Variants in AGBL4 observed in about 807,000 individuals in gnomAD.
AGBL4 encodes the protein cytosolic carboxypeptidase 6.
A neutral mutation model predicts 66.4 loss-of-function variants in AGBL4; 58 were observed. That is an observed-to-expected ratio of 0.87 (90% confidence interval 0.71 to 1.09). AGBL4 has a LOEUF of 1.09. AGBL4 is among the 50% of genes least tolerant of loss of function. The pLI is 0.00. For synonymous variants in AGBL4, 234 were observed against 222.9 expected, an observed-to-expected ratio of 1.05 and a Z score of -0.44; for missense variants, 579 against 631.0, an observed-to-expected ratio of 0.92 and a Z score of 0.88.
intron 8 of AGBL4, among the ~76,000 whole-genome samples, chr1:48,639,859 A>G (rs956002767): frequency 6.6e-6 from 1 of 152,210 alleles, no homozygotes; most frequent in African/African-American, 2.4e-5. Flanking sequence ...TCCCTAACTG[A>G]CTATAAGCAC....
intron 3 of AGBL4, among the ~76,000 whole-genome samples, chr1:49,652,974 C>G (rs77888881): frequency 2.6e-5 from 4 of 152,102 alleles, no homozygotes; most frequent in Non-Finnish European, 5.9e-5. Context: ...AGCCAGACCC[C>G]TTATTTAAGT....
At chr1:48,610,617 A>G (rs1645222989) in intron 9 of AGBL4, among the ~76,000 whole-genome samples, 1 of 152,196 alleles carries the variant, frequency 6.6e-6, no homozygotes, top group African/African-American at 2.4e-5. Context: ...CAGAATTGCT[A>G]TGTTCCATCT....
At chr1:49,555,885 G>C (rs562140392) in intron 3 of AGBL4, among the ~76,000 whole-genome samples, 1 of 152,238 alleles carries the variant, frequency 6.6e-6, no homozygotes, top group South Asian at 2.1e-4. Flanking sequence ...AACAACAGGT[G>C]CTGGAGAGGA....
At chr1:49,869,600 G>C (rs1438840516) in intron 1 of AGBL4, among the ~76,000 whole-genome samples, 2 of 152,284 alleles carry the variant, frequency 1.3e-5, no homozygotes, top group Admixed American at 6.5e-5. Context: ...GTCTGGAGTT[G>C]AGTACAGTGG....
chr1:49,486,927 C>T (rs1647080098), intron 3 of AGBL4, among the ~76,000 whole-genome samples: 1 of 151,886 alleles, frequency 6.6e-6, no homozygotes, highest in Non-Finnish European at 1.5e-5. Context: ...ATAATTCAAG[C>T]TATGACATAA....
chr1:49,938,863 A>C (rs1654414426), intron 1 of AGBL4, among the ~76,000 whole-genome samples: 1 of 152,146 alleles, frequency 6.6e-6, no homozygotes, highest in Non-Finnish European at 1.5e-5. Context: ...GCAATTAGGC[A>C]GGAGAAGGAA....
At chr1:49,748,521 T>G (rs767890980) in intron 2 of AGBL4, among the ~76,000 whole-genome samples, 2 of 152,246 alleles carry the variant, frequency 1.3e-5, no homozygotes, top group African/African-American at 2.4e-5. Context: ...TTTGGGTATA[T>G]ACCCAGTAAT....
At chr1:49,887,509 A>G (rs1273566019) in intron 1 of AGBL4, among the ~76,000 whole-genome samples, 1 of 152,094 alleles carries the variant, frequency 6.6e-6, no homozygotes, top group Non-Finnish European at 1.5e-5. Flanking sequence ...ACTATAAACA[A>G]GCTTATATGG....
intron 2 of AGBL4, among the ~76,000 whole-genome samples, chr1:49,839,737 T>A (rs865801546): frequency 2.6e-5 from 4 of 152,202 alleles, no homozygotes; most frequent in South Asian, 2.1e-4. Flanking sequence ...GCTACAGGGT[T>A]AAAACAGTTG....
At chr1:48,989,016 C>T (rs1432343309) in intron 5 of AGBL4, among the ~76,000 whole-genome samples, 1 of 152,138 alleles carries the variant, frequency 6.6e-6, no homozygotes, top group Non-Finnish European at 1.5e-5. Context: ...GTTTAGAGAT[C>T]ATCTGCTCTG....
intron 6 of AGBL4, among the ~76,000 whole-genome samples, chr1:48,798,468 G>A (rs1014644570): frequency 6.6e-6 from 1 of 152,096 alleles, no homozygotes; most frequent in Non-Finnish European, 1.5e-5. Flanking sequence ...CTGTGTAGAA[G>A]CCTTTTAGTT....
Position 49,634,862 on chromosome 1 carries a change from C to T in AGBL4, c.282+62451G>A, listed in dbSNP as rs983704915. 3.9e-5 allele frequency among the ~76,000 whole-genome samples: 6 copies of T among 152,072 alleles called. No individual in the cohort carries two copies. The Middle Eastern group carries it at 0.01, about 259-fold the overall frequency. ...TTAAGGCAGTCCAATGTTCCTACTG[C>T]GAAAAAATGAGAAGAGGCTACTTAA... On this transcript the variant is annotated intron_variant, in intron 3 of 13. Coordinates refer to ENST00000371839, the MANE Select transcript of AGBL4 (RefSeq NM_032785.4).
At chr1:48,573,390 C>T (rs1019278428) in intron 11 of AGBL4, among the ~76,000 whole-genome samples, 1 of 152,120 alleles carries the variant, frequency 6.6e-6, no homozygotes, top group African/African-American at 2.4e-5. Context: ...TGATGAGAAC[C>T]CAAGTGTCTT....
chr1:49,298,835 A>G (rs982827405), intron 3 of AGBL4, among the ~76,000 whole-genome samples: 5 of 152,174 alleles, frequency 3.3e-5, no homozygotes, highest in African/African-American at 9.7e-5. Context: ...TTTTCCTCCA[A>G]GGTTCTAAAC....
intron 5 of AGBL4, among the ~76,000 whole-genome samples, chr1:48,892,828 C>G (rs1047698305): frequency 1.3e-5 from 2 of 152,230 alleles, no homozygotes. Flanking sequence ...CCATTCCCCC[C>G]CTTTTCTTTT....
At chr1:48,939,309 T>A (rs574585735) in intron 5 of AGBL4, among the ~76,000 whole-genome samples, 1 of 152,324 alleles carries the variant, frequency 6.6e-6, no homozygotes, top group South Asian at 2.1e-4. Context: ...GACAGGTCTG[T>A]CCCTTCAGCC....
intron 5 of AGBL4, among the ~76,000 whole-genome samples, chr1:48,969,210 G>T (rs976696984): frequency 6.6e-6 from 1 of 151,438 alleles, no homozygotes; most frequent in Admixed American, 6.6e-5. Flanking sequence ...CCTAATTCAC[G>T]TTGGCTAATA....
intron 5 of AGBL4, among the ~76,000 whole-genome samples, chr1:48,887,588 C>T (rs764648774): frequency 2.0e-5 from 3 of 152,082 alleles, no homozygotes; most frequent in Admixed American, 6.5e-5. Flanking sequence ...AGAGAATAGA[C>T]GTCCCTCTGA....
intron 4 of AGBL4, among the ~76,000 whole-genome samples, chr1:49,211,422 C>A (rs943090306): frequency 5.9e-5 from 9 of 152,080 alleles, no homozygotes; most frequent in African/African-American, 2.2e-4. Context: ...AGGATCACAA[C>A]AACTCTGAAC....
Sources: allele counts gnomAD v4.1 joint callset (sites outside exome capture counted in the v4.1 genomes callset), GRCh38; gene constraint gnomAD v4.1.1; transcripts MANE v1.5; gene names NCBI Gene and HGNC (gene_info 2026-07-23, HGNC 2026-07-21).